Variants in FHIT observed in about 807,000 individuals in gnomAD.
FHIT encodes the protein bis(5'-adenosyl)-triphosphatase.
In FHIT, 19 loss-of-function variants were observed where a neutral mutation model predicts 17.9. That is an observed-to-expected ratio of 1.06 (90% CI 0.74 to 1.56). FHIT has a LOEUF of 1.56. Ranked by LOEUF, FHIT falls within the 40% of genes most tolerant of loss-of-function variation. FHIT has a pLI of 0.00. For missense variants in FHIT, 248 were observed against 189.2 expected, an observed-to-expected ratio of 1.31 and a Z score of -1.82; for synonymous variants, 81 against 69.7, an observed-to-expected ratio of 1.16 and a Z score of -0.81.
At chr3:60,098,874 T>C (rs967632148) in intron 5 of FHIT, among the ~76,000 whole-genome samples, 1 of 152,212 alleles carries the variant, frequency 6.6e-6, no homozygotes, top group African/African-American at 2.4e-5. Context: ...ATGTAGACTT[T>C]TGACTGCCTG....
rs557553132 is a variant in FHIT at position 60,132,310 on chromosome 3, T to C, written c.104-118158A>G. On this transcript the variant is annotated intron_variant, in intron 5 of 9. Transcript: ENST00000492590. ...GATGGAAAGCAGCTGGCCTTGCTGA[T>C]AGATACATCCCATGCATTTAACTCA... Among the ~76,000 whole-genome samples, 10 of 152,338 alleles carry C rather than the reference T, an allele frequency of 6.6e-5. 1 individual carries two copies. The East Asian group carries it at 9.6e-4, about 15-fold the overall frequency.
intron 7 of FHIT, among the ~76,000 whole-genome samples, chr3:59,928,113 T>G (rs1345425368): frequency 6.6e-6 from 1 of 152,216 alleles, no homozygotes; most frequent in African/African-American, 2.4e-5. Context: ...CAGTTGGCCC[T>G]GTGTGAATCC....
At chr3:61,181,862 TA>T (rs1379486569) in intron 2 of FHIT, among the ~76,000 whole-genome samples, 1 of 152,234 alleles carries the variant, frequency 6.6e-6, no homozygotes, top group East Asian at 1.9e-4. Flanking sequence ...ATACATGAAA[TA>T]AATATTCTAT....
At chr3:60,698,591 G>A (rs1398340296) in intron 4 of FHIT, among the ~76,000 whole-genome samples, 1 of 152,120 alleles carries the variant, frequency 6.6e-6, no homozygotes, top group African/African-American at 2.4e-5. Flanking sequence ...CTAACAATGG[G>A]CTCAAAACAA....
intron 5 of FHIT, among the ~76,000 whole-genome samples, chr3:60,419,809 T>C (rs1431881208): frequency 1.3e-5 from 2 of 152,184 alleles, no homozygotes; most frequent in African/African-American, 4.8e-5. Flanking sequence ...TCAATTAGGT[T>C]CAGTTTCTTA....
At chr3:60,160,124 A>ATGTGTGTG (rs10565469) in intron 5 of FHIT, among the ~76,000 whole-genome samples, 1 of 150,910 alleles carries the variant, frequency 6.6e-6, no homozygotes, top group Non-Finnish European at 1.5e-5. Context: ...TTCTGTGCTT[A>ATGTGTGTG]TGTGTGTGTG....
intron 4 of FHIT, among the ~76,000 whole-genome samples, chr3:60,789,173 TATAGAGAG>T (rs1363601387): frequency 0.09 from 8,850 of 98,530 alleles, 290 homozygotes; most frequent in Middle Eastern, 0.13. Context: ...TATATATATA[TATAGAGAG>T]AGAGAGAGAG....
chr3:60,116,099 ACT>A (rs1159081775), intron 5 of FHIT, among the ~76,000 whole-genome samples: 14 of 152,326 alleles, frequency 9.2e-5, no homozygotes, highest in African/African-American at 3.1e-4. Context: ...GTTAGCGTTA[ACT>A]ATAGACTAGT....
At chr3:60,427,338 G>A (rs879622735) in intron 5 of FHIT, among the ~76,000 whole-genome samples, 1 of 151,952 alleles carries the variant, frequency 6.6e-6, no homozygotes. Flanking sequence ...GAGACAGCTC[G>A]GAACTGGGTA....
intron 7 of FHIT, among the ~76,000 whole-genome samples, chr3:59,952,954 G>C (rs1430213133): frequency 6.6e-6 from 1 of 151,888 alleles, no homozygotes; most frequent in Non-Finnish European, 1.5e-5. Flanking sequence ...TCTAAATCTA[G>C]GGGTTCACTC....
intron 3 of FHIT, among the ~76,000 whole-genome samples, chr3:61,024,941 T>C (rs908571130): frequency 1.3e-5 from 2 of 152,124 alleles, no homozygotes; most frequent in Non-Finnish European, 2.9e-5. Flanking sequence ...AGACAGTGTT[T>C]ATAAAAGCTG....
chr3:60,644,971 G>C (rs1217732301), intron 4 of FHIT, among the ~76,000 whole-genome samples: 1 of 152,116 alleles, frequency 6.6e-6, no homozygotes, highest in Admixed American at 6.5e-5. Flanking sequence ...AGTTAGGGCT[G>C]ACACTTTCTC....
chr3:60,323,756 T>C (rs1386096547), intron 5 of FHIT, among the ~76,000 whole-genome samples: 2 of 152,216 alleles, frequency 1.3e-5, no homozygotes, highest in African/African-American at 2.4e-5. Flanking sequence ...CCAGTATCAC[T>C]TGCCACAGAT....
At chr3:60,635,978 T>C (rs1559602444) in intron 4 of FHIT, among the ~76,000 whole-genome samples, 1 of 152,196 alleles carries the variant, frequency 6.6e-6, no homozygotes, top group Non-Finnish European at 1.5e-5. Context: ...TGTCAACCCC[T>C]GCTCAGGAGA....
chr3:60,566,816 C>T (rs2037152967), intron 4 of FHIT, among the ~76,000 whole-genome samples: 1 of 150,412 alleles, frequency 6.6e-6, no homozygotes, highest in Admixed American at 6.6e-5. Flanking sequence ...ACACCAACAA[C>T]AGACAAACAG....
intron 5 of FHIT, among the ~76,000 whole-genome samples, chr3:60,422,204 A>G (rs1292109157): frequency 6.6e-6 from 1 of 152,164 alleles, no homozygotes; most frequent in East Asian, 1.9e-4. Context: ...CGTATGTCCC[A>G]AAGTCCAAAT....
At chr3:60,663,511 C>G (rs1553691701) in intron 4 of FHIT, among the ~76,000 whole-genome samples, 3 of 152,070 alleles carry the variant, frequency 2.0e-5, no homozygotes, top group Admixed American at 1.3e-4. Context: ...TCTCGGCTCA[C>G]TGCAACCTCC....
At chr3:59,777,166 G>A (rs116727936) in intron 8 of FHIT, among the ~76,000 whole-genome samples, 51 of 152,152 alleles carry the variant, frequency 3.4e-4, no homozygotes, top group African/African-American at 9.2e-4. Flanking sequence ...GGTGGCCCAC[G>A]CTTGATTCTC....
At chr3:60,124,041 G>GAGACAGAGAGAGAGAGAGAGAC (rs1553691002) in intron 5 of FHIT, among the ~76,000 whole-genome samples, 1 of 47,656 alleles carries the variant, frequency 2.1e-5, no homozygotes, top group African/African-American at 1.0e-4. Context: ...GAGAGAGAGA[G>GAGACAGAGAGAGAGAGAGAGAC]AGAGAGAGAG....
Sources: allele counts gnomAD v4.1 joint callset (sites outside exome capture counted in the v4.1 genomes callset), GRCh38; gene constraint gnomAD v4.1.1; transcripts MANE v1.5; gene names NCBI Gene and HGNC (gene_info 2026-07-23, HGNC 2026-07-21).